The following MAP3K19 variants were observed in gnomAD, a reference collection of about 807,000 sequenced individuals.
The protein encoded by MAP3K19 is mitogen-activated protein kinase kinase kinase 19.
A neutral mutation model predicts 114.4 loss-of-function variants in MAP3K19; 91 were observed. That is an observed-to-expected ratio of 0.80 (90% CI 0.67 to 0.95). The LOEUF (loss-of-function observed/expected upper bound fraction) is 0.95, where lower values mean the gene tolerates loss of function less well. MAP3K19 is among the 40% of genes least tolerant of loss of function. The pLI is 0.00. For missense variants in MAP3K19, 1,471 were observed against 1,573.2 expected (o/e 0.94, Z 1.10); for synonymous variants, 518 against 530.5 (o/e 0.98, Z 0.32).
At chr2:135,000,548 G>T (rs967176507) in intron 6 of MAP3K19, among the ~76,000 whole-genome samples, 2 of 152,192 alleles carry the variant, frequency 1.3e-5, no homozygotes, top group African/African-American at 4.8e-5. Flanking sequence ...TTCTAACATT[G>T]CCTGTTCTTT....
At chr2:135,006,252 A>G (rs1686800824) in intron 5 of MAP3K19, among the ~76,000 whole-genome samples, 2 of 152,222 alleles carry the variant, frequency 1.3e-5, no homozygotes, top group South Asian at 4.1e-4. Flanking sequence ...TTCTAGAACC[A>G]TGATAGATCC....
Position 134,987,964 on chromosome 2 carries a change from T to C in MAP3K19, c.908A>G (p.Glu303Gly), listed in dbSNP as rs765095996. 1 of 1,614,226 alleles carries C rather than the reference T, an allele frequency of 6.2e-7. No homozygotes were observed. Among genetic ancestry groups the C allele is most frequent in the South Asian group, 1.1e-5 (1 of 91,084 alleles). Residue 303 changes from glutamate to glycine, a missense_variant, in exon 10 of 13, where the codon GAG (glutamate) becomes GGG (glycine). Physicochemically the swap from Glu to Gly is moderately conservative, Grantham distance 98 (BLOSUM62 -2). Coordinates refer to ENST00000392915, the MANE Select transcript of MAP3K19 (RefSeq NM_025052.5). ...PKTNHHRQCL[E>G]KEENWKSKEI... ...CTTGGATTTCCAGTTTTCCTCCTTC[T>C]CCAGGCATTGCCTGTGATGGTTAGT...
Position 135,021,642 on chromosome 2 carries a change from A to G in MAP3K19, c.138+73T>C, listed in dbSNP as rs548126178. ...AAATTGTAATATATGAGTGTTATGA[A>G]GTATTCAAGCAACACAAATAAAGTA... On this transcript the variant is annotated intron_variant, in intron 5 of 12. Transcript: ENST00000392915. The G allele has an allele frequency of 3.0e-4, 226 of 763,960 alleles. No individual in the cohort carries two copies. The African/African-American group carries it at 3.6e-3, about 12-fold the overall frequency. The allele number at this position is 763,960 out of a possible 1,614,324, so 47.3% of individuals were successfully genotyped here.
In MAP3K19 at chr2:134,991,527, C is replaced by T. The variant is rs556013348; in HGVS notation, c.618+10G>A. 5 of 1,612,064 alleles carry T rather than the reference C, an allele frequency of 3.1e-6. No homozygotes were observed. The East Asian group carries it at 1.1e-4, about 36-fold the overall frequency. On this transcript the variant is annotated intron_variant, in intron 9 of 12. Transcript: ENST00000392915. ...AATTCTCAAGTCAAAAATGCTAGCACTAATCTTACCTTGATGCTTCGGCCA... is the reference window on the plus strand; with the variant it reads ...AATTCTCAAGTCAAAAATGCTAGCATTAATCTTACCTTGATGCTTCGGCCA...
At chr2:135,031,992 G>A (rs964527689) in intron 2 of MAP3K19, among the ~76,000 whole-genome samples, 1 of 152,058 alleles carries the variant, frequency 6.6e-6, no homozygotes, top group Non-Finnish European at 1.5e-5. Context: ...CACTAGAAAG[G>A]CCCAAATCAA....
Position 134,985,882 on chromosome 2 carries a change from G to A in MAP3K19, c.2990C>T (p.Pro997Leu). 1 of 1,613,936 alleles carries A rather than the reference G, an allele frequency of 6.2e-7. No homozygotes were observed. The highest frequency in any genetic ancestry group is 8.5e-7 in the Non-Finnish European group (1 of 1,179,950). The part of the protein sequence containing the change: ...SCQKMANETD[P>L]ENLNLVLRWR... ...TCTGAGGACAAGATTTAGGTTTTCA[G>A]GATCTGTTTCATTTGCCATTTTTTG... is the stretch of plus-strand genomic sequence containing the variant. The change falls in exon 10 of 13, where the codon CCT becomes CTT. Residue 997 changes from proline (P) to leucine (L), a missense_variant. Physicochemically the swap from Pro to Leu is moderately conservative, Grantham distance 98. Coordinates refer to ENST00000392915, the MANE Select transcript of MAP3K19 (RefSeq NM_025052.5).
At chr2:135,028,313 T>C (rs1317480686) in intron 3 of MAP3K19, among the ~76,000 whole-genome samples, 1 of 152,078 alleles carries the variant, frequency 6.6e-6, no homozygotes, top group African/African-American at 2.4e-5. Context: ...CCCAGCACTT[T>C]AGAAGGCTGA....
chr2:134,979,897 C>T (rs1413153670), intron 12 of MAP3K19, among the ~76,000 whole-genome samples: 2 of 152,020 alleles, frequency 1.3e-5, no homozygotes, highest in African/African-American at 4.8e-5. Flanking sequence ...CCTGTAGATT[C>T]TAAGATTTAT....
chr2:134,972,078 T>C (rs1263875484), intron 12 of MAP3K19, among the ~76,000 whole-genome samples: 3 of 152,206 alleles, frequency 2.0e-5, no homozygotes, highest in African/African-American at 7.2e-5. Flanking sequence ...CAAGCATTTA[T>C]CCTTTGTGTT....
At chr2:134,970,617 A>G (rs1170393213) in intron 12 of MAP3K19, among the ~76,000 whole-genome samples, 1 of 91,822 alleles carries the variant, frequency 1.1e-5, no homozygotes, top group African/African-American at 4.1e-5. Context: ...TTTTTTTTTT[A>G]GATGGAGTCT....
intron 1 of MAP3K19, among the ~76,000 whole-genome samples, chr2:135,042,018 C>T (rs1260782061): frequency 6.6e-6 from 1 of 152,136 alleles, no homozygotes; most frequent in Non-Finnish European, 1.5e-5. Context: ...TGAATTCAGC[C>T]ATTCATTAGG....
chr2:135,045,256 C>G (rs1399153164), intron 1 of MAP3K19, among the ~76,000 whole-genome samples: 1 of 152,172 alleles, frequency 6.6e-6, no homozygotes, highest in Non-Finnish European at 1.5e-5. Flanking sequence ...ATTGCTGTCA[C>G]TTAATCATCA....
intron 6 of MAP3K19, among the ~76,000 whole-genome samples, chr2:135,005,046 C>T (rs898727531): frequency 1.3e-5 from 2 of 152,174 alleles, no homozygotes; most frequent in Non-Finnish European, 2.9e-5. Context: ...GTCAAGCTGC[C>T]TAGACCCACT....
intron 3 of MAP3K19, among the ~76,000 whole-genome samples, chr2:135,026,163 T>A (rs189756628): frequency 6.6e-5 from 10 of 152,346 alleles, no homozygotes; most frequent in Admixed American, 5.9e-4. Context: ...CTTATCATAT[T>A]TGCAGAGAAT....
intron 12 of MAP3K19, among the ~76,000 whole-genome samples, chr2:134,971,345 C>G (rs757588360): frequency 5.3e-5 from 8 of 152,150 alleles, no homozygotes; most frequent in Non-Finnish European, 1.2e-4. Flanking sequence ...AATTTTGTAT[C>G]TGTGTTCATC....
rs371732788 is a variant in MAP3K19, at chr2:134,995,772, T to A, written c.574+2966A>T. 1.2e-4 allele frequency among the ~76,000 whole-genome samples: 18 copies of A among 152,264 alleles called. No individual in the cohort carries two copies. The South Asian group carries it at 2.7e-3, about 23-fold the overall frequency. On this transcript the variant is annotated intron_variant, in intron 8 of 12. Transcript: ENST00000392915. ...TAACAGAGACATTGAATATTGATTT[T>A]AAAAAAATAGACACAAAGATTGGGA... is the stretch of plus-strand genomic sequence containing the variant.
intron 1 of MAP3K19, among the ~76,000 whole-genome samples, chr2:135,040,872 T>G (rs1688632578): frequency 6.6e-6 from 1 of 152,174 alleles, no homozygotes; most frequent in Non-Finnish European, 1.5e-5. Flanking sequence ...GAACCTGGAT[T>G]TAAATTCCTT....
At chr2:134,989,844 G>C (rs970085369) in intron 9 of MAP3K19, among the ~76,000 whole-genome samples, 5 of 152,252 alleles carry the variant, frequency 3.3e-5, no homozygotes, top group African/African-American at 1.2e-4. Context: ...CACTTTGGGA[G>C]GCCGAGGCAA....
intron 12 of MAP3K19, among the ~76,000 whole-genome samples, chr2:134,978,473 T>G (rs941531037): frequency 1.3e-5 from 2 of 152,172 alleles, no homozygotes; most frequent in Admixed American, 1.3e-4. Flanking sequence ...AGTGCTGGGA[T>G]TACAGGCATG....
Sources: allele counts gnomAD v4.1 joint callset (sites outside exome capture counted in the v4.1 genomes callset), GRCh38; gene constraint gnomAD v4.1.1; transcripts MANE v1.5; gene names NCBI Gene and HGNC (gene_info 2026-07-23, HGNC 2026-07-21).